SLC66A3: variants seen among roughly 807,000 people sequenced by gnomAD.
SLC66A3 encodes PQ loop repeat containing 3.
In SLC66A3, 23 loss-of-function variants were observed where a neutral mutation model predicts 25.5. The observed-to-expected ratio is 0.90, with a 90% CI of 0.65 to 1.28. The LOEUF (loss-of-function observed/expected upper bound fraction) is 1.28, where lower values mean the gene tolerates loss of function less well. Among genes scored for constraint, SLC66A3 ranks in the 50% most tolerant of loss-of-function variants. The pLI, the probability that SLC66A3 is intolerant of heterozygous loss-of-function variation, is 0.00. For missense variants in SLC66A3, 246 were observed against 262.1 expected, an observed-to-expected ratio of 0.94 and a Z score of 0.42; for synonymous variants, 108 against 112.6, an observed-to-expected ratio of 0.96 and a Z score of 0.26.
chr2:11,160,096 C>T (rs115671056), intron 1 of SLC66A3, among the ~76,000 whole-genome samples: 1,821 of 152,260 alleles, frequency 0.012, 27 homozygotes, highest in African/African-American at 0.042. Context: ...GGGCAGCTGC[C>T]GGGGTCAGTG....
chr2:11,169,833 C>CTTTT (rs1369612743), intron 4 of SLC66A3, among the ~76,000 whole-genome samples: 8 of 66,720 alleles, frequency 1.2e-4, no homozygotes, highest in African/African-American at 4.5e-4. Flanking sequence ...CCCTGGATTT[C>CTTTT]TCTCTTTTTT....
At chr2:11,170,965 A>G (rs781488503) in intron 4 of SLC66A3, among the ~76,000 whole-genome samples, 1 of 152,006 alleles carries the variant, frequency 6.6e-6, no homozygotes. Flanking sequence ...CTCATTCCCA[A>G]CTTCAAACTA....
intron 1 of SLC66A3, among the ~76,000 whole-genome samples, chr2:11,156,444 C>CCCTGG (rs1661904275): frequency 6.6e-6 from 1 of 152,200 alleles, no homozygotes; most frequent in African/African-American, 2.4e-5. Context: ...CGCCCCTTCC[C>CCCTGG]CCTGGCCAGG....
chr2:11,164,345 A>ATATATATATATATTT lies in SLC66A3; in HGVS notation c.354+85_354+86insATATATATATATTTT. The ATATATATATATATTT allele has an allele frequency of 3.8e-3, 349 of 92,732 alleles. 6 individuals carry two copies. The highest frequency in any genetic ancestry group is 0.013 in the African/African-American group (282 of 21,718). The allele number at this position is 92,732 out of a possible 1,614,324, so 5.7% of individuals were successfully genotyped here. ...TAGATATTTATATATATATATATAT[A>ATATATATATATATTT]TTTTTTTTTTTTTGAAATGGAGTTT... On this transcript the variant is annotated intron_variant, in intron 4 of 6. Coordinates refer to ENST00000295083, the MANE Select transcript of SLC66A3 (RefSeq NM_152391.5).
chr2:11,171,578 T>C (rs1424218898), intron 4 of SLC66A3, among the ~76,000 whole-genome samples: 2 of 151,788 alleles, frequency 1.3e-5, no homozygotes, highest in Non-Finnish European at 2.9e-5. Context: ...CTCTTTTGCT[T>C]TTTTTTTGAG....
rs1274259215 is a variant in SLC66A3, at chr2:11,164,218, G to A, written c.311G>A (p.Trp104Ter). Residue 104 changes from tryptophan (W) to a stop codon, truncating the protein, a stop_gained, in exon 4 of 7, where the codon TGG becomes TAG. Transcript: ENST00000295083. LOFTEE classifies it high-confidence loss of function. ...TPYIAVLVSSWFILALQKWII... is the reference protein window; with the variant it reads ...TPYIAVLVSS ...CACTTGGTAAGATTGGTGTCTTCTT[G>A]GTTCATCCTTGCCCTGCAGAAGTGG... The A allele has an allele frequency of 1.3e-6, 2 of 1,580,358 alleles. No homozygotes were observed. Among genetic ancestry groups the A allele is most frequent in the Non-Finnish European group, 8.6e-7 (1 of 1,165,568 alleles).
chr2:11,173,909 CTGTT>C, intron 5 of SLC66A3, among the ~76,000 whole-genome samples: 1 of 152,348 alleles, frequency 6.6e-6, no homozygotes, highest in African/African-American at 2.4e-5. Flanking sequence ...GGGCCTCAGT[CTGTT>C]TATCTATAAA....
chr2:11,161,471 A>T (rs1489105708), intron 3 of SLC66A3, among the ~76,000 whole-genome samples: 3 of 151,770 alleles, frequency 2.0e-5, no homozygotes, highest in Non-Finnish European at 2.9e-5. Context: ...TAATTTTTAA[A>T]TTTTTTGTAG....
intron 3 of SLC66A3, among the ~76,000 whole-genome samples, chr2:11,161,064 A>G (rs1037588076): frequency 6.6e-6 from 1 of 152,156 alleles, no homozygotes; most frequent in Non-Finnish European, 1.5e-5. Flanking sequence ...GGCGCCTCTC[A>G]AGACGTTAGC....
chr2:11,176,589 C>T (rs1261217674), intron 6 of SLC66A3, among the ~76,000 whole-genome samples: 14 of 91,962 alleles, frequency 1.5e-4, no homozygotes, highest in African/African-American at 3.1e-4. Context: ...AGTGCAGTGG[C>T]GGGATCTCGG....
In SLC66A3 at chr2:11,177,700, A is replaced by T. The variant is rs200178209; in HGVS notation, c.518-37A>T. ...AGGAGGTGGTTTTGGTCTGTATTGTAAAGACAGTTTTTAATACACTTTTTT... is the reference window on the plus strand; with the variant it reads ...AGGAGGTGGTTTTGGTCTGTATTGTTAAGACAGTTTTTAATACACTTTTTT... On this transcript the variant is annotated intron_variant, in intron 6 of 6. Transcript: ENST00000295083. 3.8e-4 allele frequency: 525 copies of T among 1,395,036 alleles called. 1 individual carries two copies. The African/African-American group carries it at 6.7e-3, about 18-fold the overall frequency. 86.4% of individuals were successfully genotyped at this position (1,395,036 alleles called of 1,614,324 possible).
At chr2:11,158,593 C>CG (rs1661992744) in intron 1 of SLC66A3, among the ~76,000 whole-genome samples, 2 of 152,100 alleles carry the variant, frequency 1.3e-5, no homozygotes, top group Admixed American at 1.3e-4. Context: ...ACCCGGGAGG[C>CG]GGAGCTTGCA....
At chr2:11,162,629 C>T (rs940011418) in intron 3 of SLC66A3, among the ~76,000 whole-genome samples, 4 of 152,084 alleles carry the variant, frequency 2.6e-5, no homozygotes, top group African/African-American at 4.8e-5. Context: ...ATTTTTGAGA[C>T]GGAGTCACAC....
At chr2:11,166,317 G>A (rs1433975666) in intron 4 of SLC66A3, among the ~76,000 whole-genome samples, 2 of 152,094 alleles carry the variant, frequency 1.3e-5, no homozygotes, top group Non-Finnish European at 2.9e-5. Flanking sequence ...GGCTCCTGAG[G>A]GTGGTTCAGG....
chr2:11,156,294 A>G (rs7589786), intron 1 of SLC66A3, among the ~76,000 whole-genome samples: 114,075 of 152,108 alleles, frequency 0.75, 43,385 homozygotes, highest in East Asian at 0.99. Context: ...GGGTGACGGA[A>G]AGGTCGTTAA....
chr2:11,164,844 T>C (rs191871778), intron 4 of SLC66A3, among the ~76,000 whole-genome samples: 2,984 of 152,198 alleles, frequency 0.02, 98 homozygotes, highest in African/African-American at 0.066. Flanking sequence ...CAGAGAGCAC[T>C]GGGTTGGGGG....
chr2:11,167,915 G>C (rs1408278614), intron 4 of SLC66A3, among the ~76,000 whole-genome samples: 1 of 152,184 alleles, frequency 6.6e-6, no homozygotes, highest in Non-Finnish European at 1.5e-5. Context: ...GTCCTAAACT[G>C]TGCTTTCATG....
chr2:11,168,336 G>C (rs1161227140), intron 4 of SLC66A3, among the ~76,000 whole-genome samples: 3 of 151,052 alleles, frequency 2.0e-5, no homozygotes, highest in African/African-American at 2.4e-5. Flanking sequence ...TTCCAATCCT[G>C]TTCCTGGATT....
chr2:11,157,116 AC>A (rs899588344), intron 1 of SLC66A3, among the ~76,000 whole-genome samples: 5 of 152,188 alleles, frequency 3.3e-5, no homozygotes, highest in Admixed American at 1.3e-4. Flanking sequence ...CATTTCCACC[AC>A]TTTTGCAGCA....
Sources: allele counts gnomAD v4.1 joint callset (sites outside exome capture counted in the v4.1 genomes callset), GRCh38; gene constraint gnomAD v4.1.1; transcripts MANE v1.5; gene names NCBI Gene and HGNC (gene_info 2026-07-23, HGNC 2026-07-21).